Variants in KCND2 observed in about 807,000 individuals in gnomAD.
KCND2 encodes potassium voltage-gated channel subfamily D member 2, also known as A-type voltage-gated potassium channel KCND2.
In KCND2, 16 loss-of-function variants were observed where a neutral mutation model predicts 54.4. That is an observed-to-expected ratio of 0.29 (90% confidence interval 0.20 to 0.45). The LOEUF (loss-of-function observed/expected upper bound fraction) is 0.45, where lower values mean the gene tolerates loss of function less well. KCND2 is among the 20% of genes least tolerant of loss of function. The pLI is 1.00. For synonymous variants in KCND2, 317 were observed against 310.7 expected (o/e 1.02, Z -0.21); for missense variants, 486 against 824.2 (o/e 0.59, Z 5.02).
intron 1 of KCND2, among the ~76,000 whole-genome samples, chr7:120,329,284 G>T (rs1211914417): frequency 2.0e-5 from 3 of 151,956 alleles, no homozygotes; most frequent in African/African-American, 7.2e-5. Flanking sequence ...ACCATGCCCA[G>T]CTAATTTTTT....
chr7:120,551,454 A>G (rs951103975), intron 1 of KCND2, among the ~76,000 whole-genome samples: 12 of 152,268 alleles, frequency 7.9e-5, no homozygotes, highest in Non-Finnish European at 1.3e-4. Context: ...GAATCATTCA[A>G]AGTGAGTGGA....
chr7:120,595,699 C>T (rs1792736242), intron 1 of KCND2, among the ~76,000 whole-genome samples: 1 of 150,720 alleles, frequency 6.6e-6, no homozygotes, highest in Non-Finnish European at 1.5e-5. Flanking sequence ...TCCAAACAAT[C>T]TCAATGATAT....
intron 1 of KCND2, among the ~76,000 whole-genome samples, chr7:120,424,188 A>G (rs1801667972): frequency 6.6e-6 from 1 of 152,230 alleles, no homozygotes; most frequent in Non-Finnish European, 1.5e-5. Context: ...AGTGGTTAAG[A>G]AGTGGGCCTT....
At chr7:120,333,880 A>G (rs1035014) in intron 1 of KCND2, among the ~76,000 whole-genome samples, 1 of 151,912 alleles carries the variant, frequency 6.6e-6, no homozygotes, top group African/African-American at 2.4e-5. Context: ...TTTTTCAAAC[A>G]TCTTTCGGCA....
intron 1 of KCND2, among the ~76,000 whole-genome samples, chr7:120,304,360 A>G (rs895704625): frequency 2.1e-4 from 32 of 152,262 alleles, no homozygotes; most frequent in African/African-American, 7.7e-4. Context: ...TTTCTGAGAC[A>G]ATTTTCTTAA....
intron 1 of KCND2, among the ~76,000 whole-genome samples, chr7:120,666,203 C>T (rs1791924465): frequency 6.6e-6 from 1 of 151,886 alleles, no homozygotes; most frequent in South Asian, 2.1e-4. Context: ...TAAGTATGCC[C>T]TTTTGGGTAG....
intron 1 of KCND2, among the ~76,000 whole-genome samples, chr7:120,573,215 C>T (rs1792387126): frequency 6.6e-6 from 1 of 152,118 alleles, no homozygotes; most frequent in Non-Finnish European, 1.5e-5. Context: ...AAAATAAGTA[C>T]TTTATGTCAG....
At chr7:120,513,619 A>G (rs1192649051) in intron 1 of KCND2, among the ~76,000 whole-genome samples, 1 of 152,120 alleles carries the variant, frequency 6.6e-6, no homozygotes, top group Non-Finnish European at 1.5e-5. Flanking sequence ...CTATATAAAG[A>G]TATGAAAAAA....
chr7:120,273,945 T>TG lies in KCND2; in HGVS notation c.-683dup, dbSNP rs1371882906. On this transcript the variant is annotated 5_prime_UTR_variant, in exon 1 of 6. Transcript: ENST00000331113. ...CAGACACAGAGGGTGTTTGTAGACG[T>TG]GGGGGAGGAGAATCTCTATTAACGC... is the stretch of plus-strand genomic sequence containing the variant. 2 of 152,986 alleles carry TG rather than the reference T, an allele frequency of 1.3e-5. No individual in the cohort carries two copies. Among genetic ancestry groups the TG allele is most frequent in the African/African-American group, 4.8e-5 (2 of 41,368 alleles). 9.5% of individuals were successfully genotyped at this position (152,986 alleles called of 1,614,324 possible).
intron 1 of KCND2, among the ~76,000 whole-genome samples, chr7:120,722,782 G>A (rs1792684757): frequency 6.6e-6 from 1 of 152,170 alleles, no homozygotes; most frequent in African/African-American, 2.4e-5. Context: ...TTTTAAGGCT[G>A]CCTAACTGAC....
intron 1 of KCND2, among the ~76,000 whole-genome samples, chr7:120,472,705 A>T (rs1802477081): frequency 6.6e-6 from 1 of 152,156 alleles, no homozygotes; most frequent in African/African-American, 2.4e-5. Flanking sequence ...GACTAAACTC[A>T]GTGAACTAGG....
intron 1 of KCND2, among the ~76,000 whole-genome samples, chr7:120,697,589 A>G (rs908238064): frequency 2.6e-5 from 4 of 152,240 alleles, no homozygotes; most frequent in African/African-American, 9.6e-5. Context: ...CAGAGAAATT[A>G]CATAAAAACA....
chr7:120,558,160 A>G (rs1369972543), intron 1 of KCND2, among the ~76,000 whole-genome samples: 1 of 152,140 alleles, frequency 6.6e-6, no homozygotes, highest in African/African-American at 2.4e-5. Context: ...TTATGTTTTC[A>G]TATAGCTTGA....
chr7:120,576,626 T>G (rs1486468246), intron 1 of KCND2, among the ~76,000 whole-genome samples: 1 of 152,186 alleles, frequency 6.6e-6, no homozygotes, highest in African/African-American at 2.4e-5. Flanking sequence ...TACTATTTTT[T>G]TTTTCAGTTG....
At chr7:120,716,009 C>T (rs1792597714) in intron 1 of KCND2, among the ~76,000 whole-genome samples, 1 of 137,618 alleles carries the variant, frequency 7.3e-6, no homozygotes, top group Non-Finnish European at 1.6e-5. Context: ...AAATAATTAG[C>T]TAAGAGAGTT....
chr7:120,365,335 G>A (rs1356367471), intron 1 of KCND2, among the ~76,000 whole-genome samples: 1 of 152,110 alleles, frequency 6.6e-6, no homozygotes, highest in Non-Finnish European at 1.5e-5. Context: ...GGTATGGACA[G>A]CAAGAATGCA....
At chr7:120,579,812 A>T (rs1396023942) in intron 1 of KCND2, among the ~76,000 whole-genome samples, 1 of 152,162 alleles carries the variant, frequency 6.6e-6, no homozygotes, top group Non-Finnish European at 1.5e-5. Flanking sequence ...AGTCTTTACC[A>T]CACTGTAATT....
chr7:120,640,226 A>C (rs1416702022), intron 1 of KCND2, among the ~76,000 whole-genome samples: 3 of 152,148 alleles, frequency 2.0e-5, no homozygotes, highest in Admixed American at 6.6e-5. Context: ...AAATGTTGGC[A>C]CCACCACCAA....
chr7:120,584,270 G>T (rs1792562348), intron 1 of KCND2, among the ~76,000 whole-genome samples: 1 of 152,138 alleles, frequency 6.6e-6, no homozygotes, highest in African/African-American at 2.4e-5. Flanking sequence ...ATCTAAAACT[G>T]TCCCTAGGCC....
Sources: allele counts gnomAD v4.1 joint callset (sites outside exome capture counted in the v4.1 genomes callset), GRCh38; gene constraint gnomAD v4.1.1; transcripts MANE v1.5; gene names NCBI Gene and HGNC (gene_info 2026-07-23, HGNC 2026-07-21).